AUTS2: variants seen among roughly 807,000 people sequenced by gnomAD.
The protein encoded by AUTS2 is activator of transcription and developmental regulator AUTS2, also known as autism susceptibility gene 2 protein.
AUTS2 carries 17 observed loss-of-function variants against 112.4 expected under a neutral mutation model. That is an observed-to-expected ratio of 0.15 (90% CI 0.10 to 0.23). The LOEUF (loss-of-function observed/expected upper bound fraction) is 0.23. Ranked by LOEUF, AUTS2 falls within the 10% of genes least tolerant of loss-of-function variation. The pLI is 1.00. For missense variants in AUTS2, 1,510 were observed against 1,701.6 expected (o/e 0.89, Z 1.98); for synonymous variants, 751 against 702.7 (o/e 1.07, Z -1.09).
At chr7:69,693,389 T>C (rs747520458) in intron 1 of AUTS2, among the ~76,000 whole-genome samples, 2 of 152,262 alleles carry the variant, frequency 1.3e-5, no homozygotes, top group Non-Finnish European at 2.9e-5. Flanking sequence ...ACAAGTTTTT[T>C]TGTATAAGGA....
At chr7:70,212,573 T>G (rs1324969432) in intron 4 of AUTS2, among the ~76,000 whole-genome samples, 1 of 152,182 alleles carries the variant, frequency 6.6e-6, no homozygotes, top group Non-Finnish European at 1.5e-5. Context: ...TACAAAAAAT[T>G]TTAGTTCCTT....
At chr7:70,326,190 G>A (rs1308752085) in intron 4 of AUTS2, among the ~76,000 whole-genome samples, 1 of 151,954 alleles carries the variant, frequency 6.6e-6, no homozygotes, top group East Asian at 1.9e-4. Flanking sequence ...TTTCCTGATT[G>A]TCTGTCCACC....
chr7:69,809,194 C>T (rs1790437387), intron 1 of AUTS2, among the ~76,000 whole-genome samples: 1 of 152,150 alleles, frequency 6.6e-6, no homozygotes, highest in African/African-American at 2.4e-5. Flanking sequence ...CCTGCCTCAG[C>T]CTCCCCAGTA....
chr7:69,843,028 A>C (rs998624454), intron 1 of AUTS2, among the ~76,000 whole-genome samples: 2 of 152,054 alleles, frequency 1.3e-5, no homozygotes, highest in African/African-American at 4.8e-5. Flanking sequence ...TGGGGGCAGG[A>C]TGGTATCCAG....
At chr7:70,485,606 C>A (rs1797960744) in intron 5 of AUTS2, among the ~76,000 whole-genome samples, 1 of 151,748 alleles carries the variant, frequency 6.6e-6, no homozygotes. Flanking sequence ...ACCTGTACCC[C>A]AAAAAACTAT....
At chr7:70,154,497 G>A (rs188388128) in intron 4 of AUTS2, among the ~76,000 whole-genome samples, 3 of 152,124 alleles carry the variant, frequency 2.0e-5, no homozygotes, top group Non-Finnish European at 4.4e-5. Flanking sequence ...ATTTCTGAAA[G>A]CTGCTCCCTT....
intron 2 of AUTS2, among the ~76,000 whole-genome samples, chr7:69,996,425 C>T (rs1798944299): frequency 1.3e-5 from 2 of 152,122 alleles, no homozygotes; most frequent in Admixed American, 6.5e-5. Flanking sequence ...TCCTTGCAGG[C>T]CTGTTGGGAG....
chr7:70,775,846 G>A (rs546643976), intron 13 of AUTS2, among the ~76,000 whole-genome samples: 63 of 152,306 alleles, frequency 4.1e-4, no homozygotes, highest in African/African-American at 1.5e-3. Flanking sequence ...TAAGCATCTG[G>A]TTTGTTAACA....
At position 70,149,042 on chromosome 7, in the gene AUTS2, C is replaced by A. The variant is rs1172095986; in HGVS notation, c.660+14471C>A. Among the ~76,000 whole-genome samples the A allele has an allele frequency of 2.6e-5, 4 of 151,960 alleles. No individual in the cohort carries two copies. The East Asian group carries it at 5.8e-4, about 22-fold the overall frequency. ...CATTATGTTCTTTCATATTTTGGAACAAAATAATACTTTACTTCAAGACTA... is the reference window on the plus strand; with the variant it reads ...CATTATGTTCTTTCATATTTTGGAAAAAAATAATACTTTACTTCAAGACTA... On this transcript the variant is annotated intron_variant, in intron 4 of 18. Coordinates refer to ENST00000342771, the MANE Select transcript of AUTS2 (RefSeq NM_015570.4).
At chr7:70,231,694 C>T (rs1584908817) in intron 4 of AUTS2, among the ~76,000 whole-genome samples, 5 of 152,044 alleles carry the variant, frequency 3.3e-5, no homozygotes, top group Admixed American at 2.6e-4. Context: ...CTGCCCGCCT[C>T]AGCGTCCAAA....
chr7:70,652,543 T>G (rs1242204532), intron 5 of AUTS2, among the ~76,000 whole-genome samples: 1 of 152,126 alleles, frequency 6.6e-6, no homozygotes, highest in African/African-American at 2.4e-5. Context: ...ACATCCCCAG[T>G]TGGAAAATGT....
rs149013946 is a variant in AUTS2 at position 69,708,421 on chromosome 7, G to A, written c.309+108459G>A. Among the ~76,000 whole-genome samples the A allele has an allele frequency of 7.2e-3, 1,097 of 152,298 alleles. 17 individuals are homozygous for A. The highest frequency in any genetic ancestry group is 0.025 in the African/African-American group (1,023 of 41,580). On this transcript the variant is annotated intron_variant, in intron 1 of 18. Coordinates refer to ENST00000342771, the MANE Select transcript of AUTS2 (RefSeq NM_015570.4). Reference sequence around the variant, plus strand: ...GATTATGATGTTCAGACATGGGAGGGTATTAGCAACCAAACATCATTTCCT... The same window carrying A: ...GATTATGATGTTCAGACATGGGAGGATATTAGCAACCAAACATCATTTCCT...
intron 2 of AUTS2, among the ~76,000 whole-genome samples, chr7:69,971,603 C>T (rs1223989965): frequency 6.6e-6 from 1 of 152,154 alleles, no homozygotes; most frequent in African/African-American, 2.4e-5. Flanking sequence ...AGCCATGCCT[C>T]TTTCCTTCTA....
intron 4 of AUTS2, among the ~76,000 whole-genome samples, chr7:70,186,023 G>A (rs1004330591): frequency 6.6e-6 from 1 of 152,168 alleles, no homozygotes; most frequent in Admixed American, 6.5e-5. Flanking sequence ...ATAATTGCAG[G>A]ATATATTTTA....
intron 5 of AUTS2, among the ~76,000 whole-genome samples, chr7:70,522,116 A>T (rs1302350236): frequency 6.6e-6 from 1 of 152,106 alleles, no homozygotes; most frequent in Non-Finnish European, 1.5e-5. Context: ...AGCGAGGACA[A>T]CTCAGTAGGT....
At chr7:70,746,381 GGTGATCCGCCCACCTCGGCCTCCCAAA>G (rs1788455969) in intron 6 of AUTS2, among the ~76,000 whole-genome samples, 1 of 152,142 alleles carries the variant, frequency 6.6e-6, no homozygotes, top group Admixed American at 6.6e-5. Flanking sequence ...CCGGACCTCA[GGTGATCCGCCCACCTCGGCCTCCCAAA>G]GTGCTGGGAT....
At chr7:70,702,976 G>A (rs537131264) in intron 6 of AUTS2, among the ~76,000 whole-genome samples, 1 of 152,310 alleles carries the variant, frequency 6.6e-6, no homozygotes, top group African/African-American at 2.4e-5. Context: ...TATCAGCATT[G>A]TAGAAAGAAG....
intron 6 of AUTS2, among the ~76,000 whole-genome samples, chr7:70,700,946 A>T (rs1585533544): frequency 2.0e-5 from 3 of 152,372 alleles, no homozygotes; most frequent in Admixed American, 2.0e-4. Flanking sequence ...AATAAAAAGC[A>T]TCATAAGAAA....
chr7:69,635,866 G>A (rs1439752108), intron 1 of AUTS2, among the ~76,000 whole-genome samples: 1 of 152,228 alleles, frequency 6.6e-6, no homozygotes, highest in Non-Finnish European at 1.5e-5. Flanking sequence ...CACTATGAAT[G>A]GAATGAATCC....
Sources: gnomAD v4.1 joint callset for allele counts (sites outside exome capture counted in the v4.1 genomes callset) on GRCh38, gnomAD v4.1.1 for gene constraint, MANE v1.5 for transcripts, NCBI Gene and HGNC (gene_info 2026-07-23, HGNC 2026-07-21) for gene names.